RGL1: variants seen among roughly 807,000 people sequenced by gnomAD.
RGL1 encodes ral guanine nucleotide dissociation stimulator like 1.
In RGL1, 24 loss-of-function variants were observed where a neutral mutation model predicts 95.2. That is an observed-to-expected ratio of 0.25 (90% CI 0.18 to 0.35). RGL1 has a LOEUF of 0.35. RGL1 is among the 10% of genes least tolerant of loss of function. RGL1 has a pLI of 1.00. For missense variants in RGL1, 715 were observed against 936.3 expected, an observed-to-expected ratio of 0.76 and a Z score of 3.08; for synonymous variants, 329 against 344.9, an observed-to-expected ratio of 0.95 and a Z score of 0.51.
intron 16 of RGL1, among the ~76,000 whole-genome samples, chr1:183,920,689 C>T (rs1195019288): frequency 6.6e-6 from 1 of 152,216 alleles, no homozygotes; most frequent in Non-Finnish European, 1.5e-5. Context: ...TGTGACCCAG[C>T]TTTGGGAGTA....
chr1:183,800,903 G>A (rs10797911), upstream of RGL1, among the ~76,000 whole-genome samples: 20,609 of 151,966 alleles, frequency 0.14, 2,322 homozygotes, highest in East Asian at 0.41. Flanking sequence ...CATTTAGGTC[G>A]CTTCCACCTC....
At chr1:183,911,782 T>G (rs1014831917) in intron 14 of RGL1, among the ~76,000 whole-genome samples, 9 of 152,180 alleles carry the variant, frequency 5.9e-5, no homozygotes, top group African/African-American at 2.2e-4. Context: ...ATGCTGATGG[T>G]ATCTTGATCC....
intron 2 of RGL1, among the ~76,000 whole-genome samples, chr1:183,796,642 A>C (rs1005549589): frequency 1.3e-5 from 2 of 152,192 alleles, no homozygotes; most frequent in African/African-American, 4.8e-5. Flanking sequence ...CTACTTTGTT[A>C]TAGAAGTTCT....
At chr1:183,746,609 AT>A (rs1471585302) in intron 2 of RGL1, among the ~76,000 whole-genome samples, 4 of 141,196 alleles carry the variant, frequency 2.8e-5, no homozygotes, top group Non-Finnish European at 6.1e-5. Context: ...TGATATGAAC[AT>A]AGTATACATG....
chr1:183,648,556 C>T, intron 1 of RGL1: 10 of 1,614,124 alleles, frequency 6.2e-6, no homozygotes, highest in Non-Finnish European at 8.5e-6. Flanking sequence ...ACCAGGCTAC[C>T]AGAAGAAGTT....
intron 2 of RGL1, among the ~76,000 whole-genome samples, chr1:183,760,582 AAAAAAAAAAAAC>A (rs1010050684): frequency 6.7e-6 from 1 of 149,246 alleles, no homozygotes; most frequent in Non-Finnish European, 1.5e-5. Flanking sequence ...AAAAAAAAAA[AAAAAAAAAAAAC>A]AAACCTGGGT....
intron 1 of RGL1, among the ~76,000 whole-genome samples, chr1:183,721,544 C>T (rs1244678690): frequency 6.6e-6 from 1 of 152,196 alleles, no homozygotes; most frequent in Non-Finnish European, 1.5e-5. Flanking sequence ...TAGAAAACGC[C>T]TTTCCCCTTC....
intron 15 of RGL1, among the ~76,000 whole-genome samples, chr1:183,914,567 G>A (rs1334243714): frequency 6.6e-6 from 1 of 152,142 alleles, no homozygotes; most frequent in Non-Finnish European, 1.5e-5. Flanking sequence ...AAGTCCTCCA[G>A]ACTGTCATTC....
chr1:183,782,162 C>G (rs1553282174), intron 2 of RGL1, among the ~76,000 whole-genome samples: 1 of 152,194 alleles, frequency 6.6e-6, no homozygotes, highest in Non-Finnish European at 1.5e-5. Flanking sequence ...ACCGATGGCA[C>G]TCTGTCCCCA....
intron 1 of RGL1, among the ~76,000 whole-genome samples, chr1:183,729,649 A>C (rs1307308766): frequency 6.6e-6 from 1 of 152,236 alleles, no homozygotes; most frequent in Non-Finnish European, 1.5e-5. Context: ...AAATGAAAGC[A>C]TGTGTCCACA....
chr1:183,864,346 G>A (rs1409762897), intron 3 of RGL1, among the ~76,000 whole-genome samples: 4 of 152,210 alleles, frequency 2.6e-5, no homozygotes, highest in Non-Finnish European at 5.9e-5. Flanking sequence ...CCCACATTTA[G>A]TAATTGAGAG....
rs78707435 is a variant in RGL1, at chr1:183,858,027, T to A, written c.348-7969T>A. Among the ~76,000 whole-genome samples, 299 of 152,348 alleles carry A rather than the reference T, an allele frequency of 2.0e-3. 2 individuals carry two copies. Among genetic ancestry groups the A allele is most frequent in the African/African-American group, 6.8e-3 (284 of 41,572 alleles). On this transcript the variant is annotated intron_variant, in intron 3 of 17. Coordinates refer to ENST00000360851, the MANE Select transcript of RGL1 (RefSeq NM_001297671.3). Reference sequence around the variant, plus strand: ...TTTCCATGAAGTAGCTTGTTTTTTTTATTTCACTTGGCAAAGGGAGGCAAG... The same window carrying A: ...TTTCCATGAAGTAGCTTGTTTTTTTAATTTCACTTGGCAAAGGGAGGCAAG...
At chr1:183,675,303 T>C (rs1652747917) in intron 1 of RGL1, among the ~76,000 whole-genome samples, 1 of 150,162 alleles carries the variant, frequency 6.7e-6, no homozygotes, top group South Asian at 2.1e-4. Context: ...GTTTTTTTTT[T>C]TCTCTTTGTT....
intron 14 of RGL1, among the ~76,000 whole-genome samples, chr1:183,909,417 A>G (rs1030091862): frequency 6.6e-6 from 1 of 152,198 alleles, no homozygotes; most frequent in Non-Finnish European, 1.5e-5. Flanking sequence ...TAGAAATGGA[A>G]GAACCCTAGA....
At chr1:183,801,305 GA>G (rs1379310420), upstream of RGL1, among the ~76,000 whole-genome samples, 27 of 151,926 alleles carry the variant, frequency 1.8e-4, no homozygotes, top group Non-Finnish European at 1.5e-5. Context: ...GTCTTCTTAG[GA>G]AAAATATCTA....
intron 1 of RGL1, among the ~76,000 whole-genome samples, chr1:183,644,316 A>G (rs944199946): frequency 1.3e-5 from 2 of 152,224 alleles, no homozygotes; most frequent in Admixed American, 6.5e-5. Flanking sequence ...TAAAGTAGTT[A>G]TTATAATAAT....
chr1:183,794,872 G>C (rs1660618481), intron 2 of RGL1, among the ~76,000 whole-genome samples: 1 of 152,186 alleles, frequency 6.6e-6, no homozygotes, highest in South Asian at 2.1e-4. Context: ...TACATTGTTA[G>C]TCTGCCCTGC....
At chr1:183,878,584 T>C (rs59153811) in intron 4 of RGL1, among the ~76,000 whole-genome samples, 2,638 of 152,262 alleles carry the variant, frequency 0.017, 26 homozygotes, top group Non-Finnish European at 0.026. Flanking sequence ...GTCCTGGGAA[T>C]GGGATTAGGA....
At chr1:183,648,238 G>C (rs780726661) in intron 1 of RGL1, 2 of 1,614,194 alleles carry the variant, frequency 1.2e-6, no homozygotes, top group South Asian at 2.2e-5. Context: ...ACAACCCGCG[G>C]CCATAAGCTG....
Sources: allele counts gnomAD v4.1 joint callset (sites outside exome capture counted in the v4.1 genomes callset), GRCh38; gene constraint gnomAD v4.1.1; transcripts MANE v1.5; gene names NCBI Gene and HGNC (gene_info 2026-07-23, HGNC 2026-07-21).